CRK: variants seen among roughly 807,000 people sequenced by gnomAD.
CRK encodes the protein adapter molecule crk.
In CRK, 4 loss-of-function variants were observed where a neutral mutation model predicts 29.8. That is an observed-to-expected ratio of 0.13 (90% confidence interval 0.07 to 0.31). The LOEUF (loss-of-function observed/expected upper bound fraction) is 0.31, where lower values mean the gene tolerates loss of function less well. Ranked by LOEUF, CRK falls within the 10% of genes least tolerant of loss-of-function variation. CRK has a pLI of 1.00. For missense variants in CRK, 274 were observed against 396.5 expected (o/e 0.69, Z 2.62); for synonymous variants, 153 against 164.9 (o/e 0.93, Z 0.55).
intron 2 of CRK, chr17:1,426,186 A>G (rs1037277873): frequency 3.3e-5 from 5 of 152,094 alleles, no homozygotes; most frequent in Non-Finnish European, 7.3e-5. Context: ...GTCTGCAAAA[A>G]AAGAGAAAAC....
At chr17:1,430,912 A>T in intron 2 of CRK, among the ~76,000 whole-genome samples, 1 of 151,336 alleles carries the variant, frequency 6.6e-6, no homozygotes, top group East Asian at 2.0e-4. Context: ...CTAAAAATAC[A>T]AAAAAATTAA....
intron 2 of CRK, among the ~76,000 whole-genome samples, chr17:1,431,763 T>C (rs2150903272): frequency 6.6e-6 from 1 of 152,238 alleles, no homozygotes; most frequent in South Asian, 2.1e-4. Flanking sequence ...ATTCTTGTAA[T>C]GATGGGTTTC....
rs999671416 is a variant in CRK, at chr17:1,421,899, T to A, written c.*1614A>T. On this transcript the variant is annotated 3_prime_UTR_variant, in exon 3 of 3. Coordinates refer to ENST00000300574, the MANE Select transcript of CRK (RefSeq NM_016823.4). ...GAGACCGGTAAGTGCCTTTATAGAC[T>A]GAGAACTAACGTGGAAGTTTCATGC... The A allele has an allele frequency of 2.0e-5, 3 of 152,198 alleles. No homozygotes were observed. The highest frequency in any genetic ancestry group is 4.4e-5 in the Non-Finnish European group (3 of 68,032). The allele number at this position is 152,198 out of a possible 1,614,324, so 9.4% of individuals were successfully genotyped here.
At chr17:1,446,753 G>C (rs1182630051) in intron 1 of CRK, among the ~76,000 whole-genome samples, 1 of 151,884 alleles carries the variant, frequency 6.6e-6, no homozygotes. Context: ...CACCACGCCC[G>C]GGTTTTTTTT....
rs1046496139 is a variant in CRK, at chr17:1,434,044, G to A, written c.777+2576C>T. ...TTGCAGCTTTATTGGAACACAGCAA[G>A]CTCATCTGTTGTTTTATCTATGATT... is the stretch of plus-strand genomic sequence containing the variant. On this transcript the variant is annotated intron_variant, in intron 2 of 2. Coordinates refer to ENST00000300574, the MANE Select transcript of CRK (RefSeq NM_016823.4). Among the ~76,000 whole-genome samples the A allele has an allele frequency of 5.3e-5, 8 of 152,128 alleles. No individual in the cohort carries two copies. In the South Asian group the frequency reaches 1.5e-3, roughly 28 times the overall value.
chr17:1,425,902 G>T (rs889626119), intron 2 of CRK, among the ~76,000 whole-genome samples: 2 of 152,196 alleles, frequency 1.3e-5, no homozygotes, highest in Admixed American at 1.3e-4. Flanking sequence ...GAAAAAAATA[G>T]CAGCAGGCTT....
chr17:1,433,686 TTTTTGTATTTTTAGTACAG>T (rs1217649534), intron 2 of CRK, among the ~76,000 whole-genome samples: 1 of 151,742 alleles, frequency 6.6e-6, no homozygotes, highest in Non-Finnish European at 1.5e-5. Flanking sequence ...GCCTGGCTAA[TTTTTGTATTTTTAGTACAG>T]ACAGGGTTTC....
Position 1,436,651 on chromosome 17 carries a change from T to G in CRK, c.746A>C (p.Asn249Thr). 1 of 1,610,970 alleles carries G rather than the reference T, an allele frequency of 6.2e-7. No individual in the cohort carries two copies. Among genetic ancestry groups the G allele is most frequent in the Non-Finnish European group, 8.5e-7 (1 of 1,178,946 alleles). ...YARVIQKRVPNAYDKTALALE... is the reference protein window; with the variant it reads ...YARVIQKRVPTAYDKTALALE... Reference sequence around the variant, plus strand: ...AGCCAAGGCTGTCTTGTCGTAGGCATTGGGGACTCGCTTCTGGATAACCCT... The same window carrying G: ...AGCCAAGGCTGTCTTGTCGTAGGCAGTGGGGACTCGCTTCTGGATAACCCT... The change falls in exon 2 of 3, where the codon AAT (asparagine) becomes ACT (threonine). Residue 249 changes from asparagine to threonine, a missense_variant. Asn to Thr is a moderately conservative substitution (Grantham distance 65). Coordinates refer to ENST00000300574, the MANE Select transcript of CRK (RefSeq NM_016823.4).
chr17:1,455,212 G>A (rs560587019), intron 1 of CRK, among the ~76,000 whole-genome samples: 1 of 152,184 alleles, frequency 6.6e-6, no homozygotes, highest in Non-Finnish European at 1.5e-5. Flanking sequence ...GCCAGGCATC[G>A]CCTTAAACTG....
At chr17:1,446,920 A>G (rs2073979884) in intron 1 of CRK, among the ~76,000 whole-genome samples, 1 of 152,132 alleles carries the variant, frequency 6.6e-6, no homozygotes, top group African/African-American at 2.4e-5. Context: ...TGGCAATCCC[A>G]ATAGACACAG....
Position 1,423,597 on chromosome 17 carries a change from C to T in CRK, c.831G>A (p.Gly277=), listed in dbSNP as rs756685839. Residue 277 remains glycine (G), a synonymous_variant, in exon 3 of 3, where the codon GGG becomes GGA. Transcript: ENST00000300574. Reference sequence around the variant, plus strand: ...AGTGACCTCGTTTGCCATTACACTCCCCTTCCCACTGACCACTCACATTAA... The same window carrying T: ...AGTGACCTCGTTTGCCATTACACTCTCCTTCCCACTGACCACTCACATTAA... The part of the protein sequence containing the change: ...TKINVSGQWE[G]ECNGKRGHFP... 1 of 1,614,156 alleles carries T rather than the reference C, an allele frequency of 6.2e-7. No individual in the cohort carries two copies. The highest frequency in any genetic ancestry group is 8.5e-7 in the Non-Finnish European group (1 of 1,180,028).
At chr17:1,444,001 ATTT>A (rs1011472711) in intron 1 of CRK, among the ~76,000 whole-genome samples, 3 of 139,502 alleles carry the variant, frequency 2.2e-5, no homozygotes, top group Non-Finnish European at 4.7e-5. Flanking sequence ...CGCCTGGCCT[ATTT>A]TTTTTTTTTA....
intron 2 of CRK, among the ~76,000 whole-genome samples, chr17:1,432,559 C>T (rs1329591966): frequency 3.3e-5 from 5 of 149,662 alleles, no homozygotes; most frequent in Non-Finnish European, 5.9e-5. Context: ...AGGTGGATCA[C>T]GAGGTCAGGA....
chr17:1,438,733 A>G (rs2073909795), intron 1 of CRK, among the ~76,000 whole-genome samples: 1 of 152,138 alleles, frequency 6.6e-6, no homozygotes, highest in South Asian at 2.1e-4. Flanking sequence ...TGGTGGCCCT[A>G]CATACCATAG....
In CRK at chr17:1,437,227, T is replaced by C. The variant is rs1332960667; in HGVS notation, c.242-72A>G. 7 of 1,412,416 alleles carry C rather than the reference T, an allele frequency of 5.0e-6. No individual in the cohort carries two copies. The Admixed American group carries it at 1.0e-4, about 20-fold the overall frequency. The allele number at this position is 1,412,416 out of a possible 1,614,324, so 87.5% of individuals were successfully genotyped here. ...AAATGAAATGCAGATTTTATTTTTA[T>C]TTTTTTTAGAGTTGGGATCTCACTA... On this transcript the variant is annotated intron_variant, in intron 1 of 2. Transcript: ENST00000300574.
chr17:1,434,372 C>T (rs890338208), intron 2 of CRK, among the ~76,000 whole-genome samples: 79 of 152,162 alleles, frequency 5.2e-4, no homozygotes, highest in African/African-American at 1.9e-3. Context: ...TACCCTGGTT[C>T]TGGTGTGAGT....
At chr17:1,455,626 G>A (rs553222945) in intron 1 of CRK, among the ~76,000 whole-genome samples, 2 of 151,880 alleles carry the variant, frequency 1.3e-5, no homozygotes, top group South Asian at 2.1e-4. Context: ...CCACCCTGGG[G>A]CCGAAGCAGT....
chr17:1,455,403 T>G (rs1359260712), intron 1 of CRK, among the ~76,000 whole-genome samples: 1 of 152,192 alleles, frequency 6.6e-6, no homozygotes, highest in East Asian at 1.9e-4. Context: ...ATGTGGTGAC[T>G]TCCTACCAAA....
chr17:1,452,586 G>A (rs918717222), intron 1 of CRK, among the ~76,000 whole-genome samples: 1 of 152,050 alleles, frequency 6.6e-6, no homozygotes, highest in Non-Finnish European at 1.5e-5. Context: ...TCAGCAGTTC[G>A]AGACCAGCCT....
Sources: gnomAD v4.1 joint callset for allele counts (sites outside exome capture counted in the v4.1 genomes callset) on GRCh38, gnomAD v4.1.1 for gene constraint, MANE v1.5 for transcripts, NCBI Gene and HGNC (gene_info 2026-07-23, HGNC 2026-07-21) for gene names.